Variants in HDAC4 observed in about 807,000 individuals in gnomAD.
HDAC4 encodes histone deacetylase 4.
In HDAC4, 16 loss-of-function variants were observed where a neutral mutation model predicts 135.1. The ratio of observed to expected loss-of-function variants is 0.12; its 90% CI spans 0.08 to 0.18. The LOEUF (loss-of-function observed/expected upper bound fraction) is 0.18, where lower values mean the gene tolerates loss of function less well. Ranked by LOEUF, HDAC4 falls within the 10% of genes least tolerant of loss-of-function variation. The pLI, the probability that HDAC4 is intolerant of heterozygous loss-of-function variation, is 1.00. For synonymous variants in HDAC4, 685 were observed against 653.4 expected, an observed-to-expected ratio of 1.05 and a Z score of -0.74; for missense variants, 1,143 against 1,511.8, an observed-to-expected ratio of 0.76 and a Z score of 4.05.
chr2:239,272,922 C>T (rs569468870), intron 2 of HDAC4, among the ~76,000 whole-genome samples: 2 of 152,282 alleles, frequency 1.3e-5, no homozygotes, highest in East Asian at 1.9e-4. Context: ...CCCTCCCTAG[C>T]GACCTGGCCA....
upstream of HDAC4, chr2:239,401,149 C>T (rs1696968746): frequency 1.3e-5 from 2 of 152,054 alleles, no homozygotes; most frequent in Admixed American, 6.5e-5. Context: ...CGCCTGGTTT[C>T]TAATGAAGAG....
Position 239,247,767 on chromosome 2 carries a change from G to C in HDAC4, c.23-11103C>G, listed in dbSNP as rs189250973. ...AATAAACTCAAAGTGGCCATTTGCG[G>C]AAAGTCTAGGCAGGCACATTAACTG... On this transcript the variant is annotated intron_variant, in intron 2 of 26. Transcript: ENST00000543185. Among the ~76,000 whole-genome samples, 11 of 152,320 alleles carry C rather than the reference G, an allele frequency of 7.2e-5. No homozygotes were observed. The South Asian group carries it at 1.0e-3, about 14-fold the overall frequency.
intron 3 of HDAC4, among the ~76,000 whole-genome samples, chr2:239,228,619 C>A (rs1424889267): frequency 6.6e-6 from 1 of 152,060 alleles, no homozygotes; most frequent in Non-Finnish European, 1.5e-5. Context: ...ACAGAACGAT[C>A]TGAAGGTTTA....
intron 1 of HDAC4, among the ~76,000 whole-genome samples, chr2:239,385,621 G>A (rs1695743143): frequency 6.6e-6 from 1 of 152,236 alleles, no homozygotes; most frequent in African/African-American, 2.4e-5. Flanking sequence ...GGCAAAGCCG[G>A]CCTGTGATAA....
In HDAC4 at chr2:239,051,172, C is replaced by T. The variant is rs1337014113; in HGVS notation, c.*1925G>A. On this transcript the variant is annotated 3_prime_UTR_variant, in exon 27 of 27. Transcript: ENST00000543185. ...CCTAAGCAACCCTCCCTGCCCTTGC[C>T]ACGGAGGGGAAAAACACACCACCCC... is the stretch of plus-strand genomic sequence containing the variant. 1 of 152,566 alleles carries T rather than the reference C, an allele frequency of 6.6e-6. No homozygotes were observed. The highest frequency in any genetic ancestry group is 2.4e-5 in the African/African-American group (1 of 41,432). The allele number at this position is 152,566 out of a possible 1,614,324, so 9.5% of individuals were successfully genotyped here.
At chr2:239,284,031 C>G (rs2050987947) in intron 2 of HDAC4, among the ~76,000 whole-genome samples, 1 of 152,216 alleles carries the variant, frequency 6.6e-6, no homozygotes, top group African/African-American at 2.4e-5. Flanking sequence ...GTCACAGTTC[C>G]CGCTTCTGCA....
chr2:239,196,561 C>T (rs907281333), intron 3 of HDAC4, among the ~76,000 whole-genome samples: 8 of 152,182 alleles, frequency 5.3e-5, no homozygotes, highest in Non-Finnish European at 8.8e-5. Context: ...AGTCTCGAGT[C>T]CGAGTCTGCC....
At chr2:239,079,602 G>A (rs1574938772) in intron 22 of HDAC4, among the ~76,000 whole-genome samples, 1 of 152,366 alleles carries the variant, frequency 6.6e-6, no homozygotes, top group East Asian at 1.9e-4. Flanking sequence ...TCCCCAGAAA[G>A]CATGTGGTAG....
intron 24 of HDAC4, chr2:239,055,052 T>C (rs1437171308): frequency 2.1e-6 from 1 of 474,260 alleles, no homozygotes; most frequent in African/African-American, 2.0e-5. Context: ...ATAAGATATT[T>C]GTGGGTTCCT....
At chr2:239,168,705 C>A (rs1021333115) in intron 5 of HDAC4, among the ~76,000 whole-genome samples, 5 of 152,338 alleles carry the variant, frequency 3.3e-5, no homozygotes, top group African/African-American at 1.2e-4. Context: ...TGGGGGAAGA[C>A]GCCGGCTTGG....
rs369763646 is a variant in HDAC4, at chr2:239,250,326, G to A, written c.23-13662C>T. On this transcript the variant is annotated intron_variant, in intron 2 of 26. Transcript: ENST00000543185. ...AACATCACTGTGTCTTCAGTACCCG[G>A]TCTCTAACCCTGCAGGTGGCTCCCC... Among the ~76,000 whole-genome samples the A allele has an allele frequency of 5.3e-5, 8 of 152,344 alleles. No individual in the cohort carries two copies. In the East Asian group the frequency reaches 1.5e-3, roughly 29 times the overall value.
At chr2:239,105,852 G>A (rs1220523565) in intron 15 of HDAC4, among the ~76,000 whole-genome samples, 2 of 152,136 alleles carry the variant, frequency 1.3e-5, no homozygotes, top group African/African-American at 4.8e-5. Flanking sequence ...GTGACCCCTG[G>A]CAGGCTGGCA....
rs114403051 is a variant in HDAC4 at position 239,124,358 on chromosome 2, A to G, written c.1533+2098T>C. On this transcript the variant is annotated intron_variant, in intron 12 of 26. Coordinates refer to ENST00000543185, the MANE Select transcript of HDAC4 (RefSeq NM_001378414.1). ...CACGAGTCTGTGTCCTGTCTCTGTG[A>G]GTCTGTCTGTTGGGGACGTTTTATG... Among the ~76,000 whole-genome samples the G allele has an allele frequency of 5.3e-3, 805 of 152,322 alleles. 5 individuals carry two copies. Among genetic ancestry groups the G allele is most frequent in the African/African-American group, 0.019 (786 of 41,564 alleles).
At chr2:239,061,132 CTGAG>C (rs569330618) in intron 24 of HDAC4, among the ~76,000 whole-genome samples, 205 of 149,464 alleles carry the variant, frequency 1.4e-3, no homozygotes, top group African/African-American at 4.7e-3. Context: ...GGGAGTGTGA[CTGAG>C]TGTGAGTGTG....
rs541399183 is a variant in HDAC4 at position 239,310,947 on chromosome 2, C to T, written c.22+41731G>A. On this transcript the variant is annotated intron_variant, in intron 2 of 26. Transcript: ENST00000543185. The stretch of plus-strand genomic sequence containing the variant: ...TAAGAAAACGAACCCTGACGTTAAC[C>T]TGCTTGAGCCCTAATACTAAGCAAG... Among the ~76,000 whole-genome samples the T allele has an allele frequency of 3.9e-5, 6 of 152,378 alleles. No homozygotes were observed. In the East Asian group the frequency reaches 1.2e-3, roughly 29 times the overall value.
rs1385591505 is a variant in HDAC4, at chr2:239,262,515, G to C, written c.23-25851C>G. 6.6e-6 allele frequency among the ~76,000 whole-genome samples: 1 copy of C among 152,230 alleles called. No homozygotes were observed. Among genetic ancestry groups the C allele is most frequent in the Non-Finnish European group, 1.5e-5 (1 of 68,042 alleles). Reference sequence around the variant, plus strand: ...CCTTGCCTTGTTTGCCCAGGTCCGAGATGAGGTAATGCCATTAGCAGGCAA... The same window carrying C: ...CCTTGCCTTGTTTGCCCAGGTCCGACATGAGGTAATGCCATTAGCAGGCAA... On this transcript the variant is annotated intron_variant, in intron 2 of 26. Coordinates refer to ENST00000543185, the MANE Select transcript of HDAC4 (RefSeq NM_001378414.1). This position sits in a 1 kb window ranked among gnomAD's most constrained non-coding sequence, Gnocchi z 4.1.
intron 3 of HDAC4, among the ~76,000 whole-genome samples, chr2:239,224,775 T>G (rs894639960): frequency 8.5e-5 from 13 of 152,172 alleles, no homozygotes; most frequent in African/African-American, 3.1e-4. Flanking sequence ...AATGAATGAG[T>G]TGAACGCAGA....
In HDAC4 at chr2:239,153,556, G is replaced by A. The variant is rs1575210397; in HGVS notation, c.733+3096C>T. Among the ~76,000 whole-genome samples the A allele has an allele frequency of 2.0e-5, 3 of 152,304 alleles. No individual in the cohort carries two copies. The South Asian group carries it at 6.2e-4, about 32-fold the overall frequency. ...GTGTAACTACACACTATTCTCTTAA[G>A]TGGTTTAAACGTTTTCTCGGAAATC... On this transcript the variant is annotated intron_variant, in intron 7 of 26. Transcript: ENST00000543185.
chr2:239,242,323 T>C (rs1410230839), intron 2 of HDAC4, among the ~76,000 whole-genome samples: 2 of 152,164 alleles, frequency 1.3e-5, no homozygotes, highest in East Asian at 3.9e-4. Context: ...TTTACAGTAC[T>C]GCATCTTTCA....
Sources: gnomAD v4.1 joint callset for allele counts (sites outside exome capture counted in the v4.1 genomes callset) on GRCh38, gnomAD v4.1.1 for gene constraint, Gnocchi (gnomAD v3.1) non-coding constraint, MANE v1.5 for transcripts, NCBI Gene and HGNC (gene_info 2026-07-23, HGNC 2026-07-21) for gene names.